Variants in TRIM44 observed in about 807,000 individuals in gnomAD.
TRIM44 encodes tripartite motif-containing protein 44.
Under a neutral mutation model 37.4 loss-of-function variants are expected in TRIM44, and 13 were observed. The observed-to-expected ratio is 0.35, with a 90% CI of 0.23 to 0.55. The LOEUF (loss-of-function observed/expected upper bound fraction) is 0.55. TRIM44 is among the 20% of genes least tolerant of loss of function. The probability of loss-of-function intolerance (pLI) is 0.89; values close to 1 mark genes in which losing one functional copy is unlikely to be tolerated. For synonymous variants in TRIM44, 175 were observed against 157.2 expected, an observed-to-expected ratio of 1.11 and a Z score of -0.85; for missense variants, 426 against 437.2, an observed-to-expected ratio of 0.97 and a Z score of 0.23.
At chr11:35,785,341 A>G (rs1056486649) in intron 4 of TRIM44, among the ~76,000 whole-genome samples, 6 of 152,232 alleles carry the variant, frequency 3.9e-5, no homozygotes, top group Admixed American at 2.6e-4. Flanking sequence ...AGCACATTTT[A>G]TATTTGCCCT....
Position 35,817,874 on chromosome 11 carries a change from GT to G in TRIM44, c.*11490del, listed in dbSNP as rs1853597188. The G allele has an allele frequency of 6.6e-6, 1 of 152,074 alleles. No homozygotes were observed. Among genetic ancestry groups the G allele is most frequent in the Non-Finnish European group, 1.5e-5 (1 of 68,032 alleles). The allele number at this position is 152,074 out of a possible 1,614,324, so 9.4% of individuals were successfully genotyped here. A position where few individuals can be genotyped will look rare whatever the true frequency, so the allele number is the denominator to read the frequency against. ...CTTCCTTCTGCTCTGGCCATGTAAA[GT>G]GCTCACTCCCCCTTTGCCTTCCACC... On this transcript the variant is annotated 3_prime_UTR_variant, in exon 5 of 5. Transcript: ENST00000299413.
chr11:35,663,644 A>G lies in TRIM44; in HGVS notation c.533A>G (p.Lys178Arg). Reference sequence around the variant, plus strand: ...GAAGCAGAGAGAGTGGCCAAGAGGAAGTGTCCGGACCATGGGCTTGATTTG... The same window carrying G: ...GAAGCAGAGAGAGTGGCCAAGAGGAGGTGTCCGGACCATGGGCTTGATTTG... ...EMEAERVAKRKCPDHGLDLST... is the reference protein window; with the variant it reads ...EMEAERVAKRRCPDHGLDLST... Residue 178 changes from lysine to arginine, a missense_variant, in exon 1 of 5, where the codon AAG becomes AGG. Physicochemically the swap from Lys to Arg is conservative, Grantham distance 26 (BLOSUM62 2). Transcript: ENST00000299413. The G allele has an allele frequency of 6.2e-7, 1 of 1,614,132 alleles. No homozygotes were observed.
intron 4 of TRIM44, among the ~76,000 whole-genome samples, chr11:35,763,660 T>C (rs1348120874): frequency 6.6e-6 from 1 of 151,956 alleles, no homozygotes; most frequent in Non-Finnish European, 1.5e-5. Flanking sequence ...CTACTGGGAG[T>C]GGTGCTATTG....
intron 2 of TRIM44, among the ~76,000 whole-genome samples, chr11:35,723,424 T>A (rs1033794155): frequency 2.6e-5 from 4 of 152,350 alleles, no homozygotes; most frequent in Non-Finnish European, 4.4e-5. Context: ...TCAGCTTGAT[T>A]GTAACTAACA....
chr11:35,796,024 A>G (rs1185415136), intron 4 of TRIM44, among the ~76,000 whole-genome samples: 1 of 152,202 alleles, frequency 6.6e-6, no homozygotes, highest in Non-Finnish European at 1.5e-5. Context: ...CGACCTCAAA[A>G]TCACACAGCT....
rs1391297703 is a variant in TRIM44 at position 35,663,781 on chromosome 11, G to GT, written c.669+2dup. The GT allele has an allele frequency of 5.6e-6, 9 of 1,612,612 alleles. No homozygotes were observed. In the African/African-American group the frequency reaches 8.0e-5, roughly 14 times the overall value. On this transcript the variant is annotated splice_donor_variant, in intron 1 of 4. Transcript: ENST00000299413. LOFTEE classifies it high-confidence loss of function. ...AGACGAAGCCTTTGAAGAATTAAGA[G>GT]TAAGTATTGGGCCTTCAGAGCATAA...
At chr11:35,803,081 A>G (rs16927937) in intron 4 of TRIM44, among the ~76,000 whole-genome samples, 1,949 of 152,316 alleles carry the variant, frequency 0.013, 45 homozygotes, top group African/African-American at 0.044. Flanking sequence ...CCTGGAAGAT[A>G]GCATTTCGAT....
intron 4 of TRIM44, among the ~76,000 whole-genome samples, chr11:35,803,987 G>GA (rs201464930): frequency 2.5e-3 from 292 of 118,044 alleles, no homozygotes; most frequent in African/African-American, 3.9e-3. Context: ...GTTCTGGGAA[G>GA]AAAAAAAAAA....
Position 35,740,216 on chromosome 11 carries a change from A to G in TRIM44, c.1007+4771A>G, listed in dbSNP as rs972162168. On this transcript the variant is annotated intron_variant, in intron 4 of 4. Coordinates refer to ENST00000299413, the MANE Select transcript of TRIM44 (RefSeq NM_017583.6). ...AATTTTCTGCCTTCTCTGTGCTATTATGAGAGATCTTGTGTTCACTCCCTC... is the reference window on the plus strand; with the variant it reads ...AATTTTCTGCCTTCTCTGTGCTATTGTGAGAGATCTTGTGTTCACTCCCTC... Among the ~76,000 whole-genome samples the G allele has an allele frequency of 4.2e-5, 6 of 142,220 alleles. No individual in the cohort carries two copies. The East Asian group carries it at 6.6e-4, about 16-fold the overall frequency. 93.3% of individuals were successfully genotyped at this position (142,220 alleles called of 152,430 possible). A position where few individuals can be genotyped will look rare whatever the true frequency, so the allele number is the denominator to read the frequency against.
chr11:35,696,691 A>C (rs1242206879), intron 2 of TRIM44, among the ~76,000 whole-genome samples: 1 of 151,856 alleles, frequency 6.6e-6, no homozygotes, highest in Non-Finnish European at 1.5e-5. Context: ...TACTAAAAAT[A>C]CAAAAATTAG....
intron 2 of TRIM44, among the ~76,000 whole-genome samples, chr11:35,687,977 G>C (rs553301883): frequency 3.3e-5 from 5 of 152,274 alleles, no homozygotes; most frequent in African/African-American, 1.2e-4. Context: ...CAGAATGACT[G>C]CCAGGTCAGG....
chr11:35,663,277 C>T lies in TRIM44; in HGVS notation c.166C>T (p.His56Tyr). 1 of 1,613,968 alleles carries T rather than the reference C, an allele frequency of 6.2e-7. No individual in the cohort carries two copies. The highest frequency in any genetic ancestry group is 2.2e-5 in the East Asian group (1 of 44,848). The change falls in exon 1 of 5, where the codon CAT becomes TAT. Residue 56 changes from histidine to tyrosine, a missense_variant. Transcript: ENST00000299413. ...GCACAGGCAGAAGTTCCTCAGTCAC[C>T]ATCTGGCCGAATACGTCCACGGCTC... ...EAHRQKFLSHHLAEYVHGSQA... is the reference protein window; with the variant it reads ...EAHRQKFLSHYLAEYVHGSQA...
chr11:35,726,690 A>G (rs1049558197), intron 3 of TRIM44, among the ~76,000 whole-genome samples: 15 of 152,158 alleles, frequency 9.9e-5, no homozygotes, highest in African/African-American at 3.4e-4. Flanking sequence ...GATTAAAAAA[A>G]AAAAAAAACT....
At chr11:35,800,097 G>A (rs886966264) in intron 4 of TRIM44, among the ~76,000 whole-genome samples, 5 of 152,158 alleles carry the variant, frequency 3.3e-5, no homozygotes, top group African/African-American at 9.7e-5. Flanking sequence ...GGACCTTCGC[G>A]GTGAGTGTTA....
chr11:35,796,160 A>G (rs575947995), intron 4 of TRIM44, among the ~76,000 whole-genome samples: 17 of 152,270 alleles, frequency 1.1e-4, no homozygotes, highest in African/African-American at 3.8e-4. Flanking sequence ...ACTTCCTACA[A>G]CTTCAGTTGA....
chr11:35,765,687 G>A (rs1346063095), intron 4 of TRIM44, among the ~76,000 whole-genome samples: 1 of 152,178 alleles, frequency 6.6e-6, no homozygotes, highest in African/African-American at 2.4e-5. Flanking sequence ...TATAAAAGAA[G>A]TAAACTTGGC....
chr11:35,715,185 G>A (rs1348055651), intron 2 of TRIM44, among the ~76,000 whole-genome samples: 1 of 152,188 alleles, frequency 6.6e-6, no homozygotes, highest in African/African-American at 2.4e-5. Context: ...CTGACAGTGT[G>A]AACAAGCAGC....
In TRIM44 at chr11:35,809,982, A is replaced by C. The variant is rs992939696; in HGVS notation, c.*3597A>C. The stretch of plus-strand genomic sequence containing the variant: ...AAGATTTCTGTCAGCCCTAATTACA[A>C]GTGTCACCATATAGTTGGGGCTTAG... On this transcript the variant is annotated 3_prime_UTR_variant, in exon 5 of 5. Coordinates refer to ENST00000299413, the MANE Select transcript of TRIM44 (RefSeq NM_017583.6). 6.6e-6 allele frequency: 1 copy of C among 152,184 alleles called. No individual in the cohort carries two copies. Among genetic ancestry groups the C allele is most frequent in the African/African-American group, 2.4e-5 (1 of 41,446 alleles). The allele number at this position is 152,184 out of a possible 1,614,324, so 9.4% of individuals were successfully genotyped here. A position where few individuals can be genotyped will look rare whatever the true frequency, so the allele number is the denominator to read the frequency against.
intron 3 of TRIM44, among the ~76,000 whole-genome samples, chr11:35,730,569 GA>G (rs1170712628): frequency 1.3e-5 from 2 of 151,696 alleles, no homozygotes; most frequent in Non-Finnish European, 2.9e-5. Context: ...TAATGACAAA[GA>G]AAAAAAATCT....
Sources: allele counts gnomAD v4.1 joint callset (sites outside exome capture counted in the v4.1 genomes callset), GRCh38; gene constraint gnomAD v4.1.1; transcripts MANE v1.5; gene names NCBI Gene and HGNC (gene_info 2026-07-23, HGNC 2026-07-21).